The following KCNK15 variants were observed in gnomAD, a reference collection of about 807,000 sequenced individuals.
KCNK15 encodes potassium two pore domain channel subfamily K member 15, also known as potassium channel subfamily K member 15.
Under a neutral mutation model 8.5 loss-of-function variants are expected in KCNK15, and 9 were observed. That is an observed-to-expected ratio of 1.06 (90% CI 0.64 to 1.85). The LOEUF is 1.85. KCNK15 is among the 40% of genes most tolerant of loss of function. The pLI is 0.00. For missense variants in KCNK15, 467 were observed against 476.8 expected (o/e 0.98, Z 0.19); for synonymous variants, 224 against 232.7 (o/e 0.96, Z 0.34).
intron 1 of KCNK15, 56 bp downstream of exon 1, chr20:44,746,249 G>T: frequency 2.2e-6 from 3 of 1,334,422 alleles, no homozygotes; most frequent in Non-Finnish European, 2.9e-6. Context: ...GTCCCGGGGC[G>T]CCTCTGGGTT....
At chr20:44,748,153 C>G (rs965227700) in intron 1 of KCNK15, among the ~76,000 whole-genome samples, 11 of 152,298 alleles carry the variant, frequency 7.2e-5, no homozygotes, top group African/African-American at 2.6e-4. Context: ...TCCCAAACAG[C>G]TGGAAGCCTT....
Position 44,750,748 on chromosome 20 carries a change from C to A in KCNK15, c.903C>A (p.Arg301=), listed in dbSNP as rs374466555. 6.6e-7 allele frequency: 1 copy of A among 1,519,598 alleles called. No individual in the cohort carries two copies. Among genetic ancestry groups the A allele is most frequent in the South Asian group, 1.2e-5 (1 of 82,322 alleles). The allele number at this position is 1,519,598 out of a possible 1,614,324, so 94.1% of individuals were successfully genotyped here. ...TGCACAAGCTGGAGAGGTGCGCCCGCGACAACCTGGGCTTTTCGCCCCCCT... is the reference window on the plus strand; with the variant it reads ...TGCACAAGCTGGAGAGGTGCGCCCGAGACAACCTGGGCTTTTCGCCCCCCT... ...CHVHKLERCA[R]DNLGFSPPSS... The change falls in exon 2 of 2, where the codon CGC becomes CGA. Residue 301 remains arginine, a synonymous_variant. Coordinates refer to ENST00000372861, the MANE Select transcript of KCNK15 (RefSeq NM_022358.4).
At chr20:44,749,116 C>A (rs2066018599) in intron 1 of KCNK15, among the ~76,000 whole-genome samples, 1 of 152,196 alleles carries the variant, frequency 6.6e-6, no homozygotes, top group Admixed American at 6.5e-5. Flanking sequence ...GAAGGGCTAA[C>A]TTCCTAACTG....
chr20:44,751,719 G>A lies in KCNK15; in HGVS notation c.*881G>A, dbSNP rs2066033236. The A allele has an allele frequency of 6.6e-6, 1 of 152,216 alleles. No homozygotes were observed. Among genetic ancestry groups the A allele is most frequent in the Non-Finnish European group, 1.5e-5 (1 of 68,048 alleles). 9.4% of individuals were successfully genotyped at this position (152,216 alleles called of 1,614,324 possible). ...TAAGGGGGCAGAGACAAAGCCCGAGGTGTGGCATCCTGGCACCCCGTGGCA... is the reference window on the plus strand; with the variant it reads ...TAAGGGGGCAGAGACAAAGCCCGAGATGTGGCATCCTGGCACCCCGTGGCA... On this transcript the variant is annotated 3_prime_UTR_variant, in exon 2 of 2. Transcript: ENST00000372861.
At chr20:44,750,037 G>A (rs1262531692) in intron 1 of KCNK15, 92 bp from the exon 2 acceptor site, 3 of 1,211,260 alleles carry the variant, frequency 2.5e-6, no homozygotes, top group Non-Finnish European at 2.3e-6. Flanking sequence ...CCGGGGACGG[G>A]GAGGGACACG....
intron 1 of KCNK15, among the ~76,000 whole-genome samples, chr20:44,749,163 T>G (rs1183107188): frequency 1.3e-5 from 2 of 152,224 alleles, no homozygotes; most frequent in African/African-American, 4.8e-5. Flanking sequence ...TATTTTTTAC[T>G]TTTTGGCAGG....
rs1394458540 is a variant in KCNK15 at position 44,750,814 on chromosome 20, TG to T, written c.973del (p.Ala325ProfsTer40). On this transcript the variant is annotated frameshift_variant, in exon 2 of 2. Coordinates refer to ENST00000372861, the MANE Select transcript of KCNK15 (RefSeq NM_022358.4). LOFTEE classifies it high-confidence loss of function. ...VVRGGQAPRL[G>X]ARWKSI ...TGCGTGGCGGGCAGGCTCCCAGGCT[TG>T]GGGCCCGGTGGAAGTCCATCTGACA... The T allele has an allele frequency of 6.8e-7, 1 of 1,469,676 alleles. No individual in the cohort carries two copies. The highest frequency in any genetic ancestry group is 1.4e-5 in the African/African-American group (1 of 69,228). 91.0% of individuals were successfully genotyped at this position (1,469,676 alleles called of 1,614,324 possible). A position where few individuals can be genotyped will look rare whatever the true frequency, so the allele number is the denominator to read the frequency against.
Position 44,750,633 on chromosome 20 carries a change from C to T in KCNK15, c.788C>T (p.Pro263Leu), listed in dbSNP as rs1435766459. The T allele has an allele frequency of 4.4e-6, 7 of 1,576,842 alleles. No homozygotes were observed. The African/African-American group carries it at 6.8e-5, about 15-fold the overall frequency. ...GAGCGCGCTGCCCGCACCCCCAGCCCGCGCCCCCCGGGGGCGCCCGAGAGC... is the reference window on the plus strand; with the variant it reads ...GAGCGCGCTGCCCGCACCCCCAGCCTGCGCCCCCCGGGGGCGCCCGAGAGC... ...WPERAARTPS[P>L]RPPGAPESRG... The change falls in exon 2 of 2, where the codon CCG becomes CTG. Residue 263 changes from proline to leucine, a missense_variant. By Grantham distance (98) the Pro-to-Leu change is moderately conservative. This residue lies in a region of KCNK15 where 455 missense variants were observed against 441.2 expected (regional missense o/e 1.03). Transcript: ENST00000372861.
Position 44,750,281 on chromosome 20 carries a change from T to C in KCNK15, c.436T>C (p.Cys146Arg), listed in dbSNP as rs1477332162. ...GCGCCTCCTGTTGGCGGCCAAGTGC[T>C]GCCTGGGCCTGCGGTGGACGTGCGT... The part of the protein sequence containing the change: ...VRRLLLAAKC[C>R]LGLRWTCVST... The change falls in exon 2 of 2, where the codon TGC (cysteine) becomes CGC (arginine). Residue 146 changes from cysteine to arginine, a missense_variant. Cys to Arg is a radical substitution (Grantham distance 180). Transcript: ENST00000372861. 2.5e-6 allele frequency: 4 copies of C among 1,605,444 alleles called. No homozygotes were observed. Among genetic ancestry groups the C allele is most frequent in the Non-Finnish European group, 3.4e-6 (4 of 1,176,832 alleles).
rs1439343680 is a variant in KCNK15, at chr20:44,748,934, C to T, written c.284-1195C>T. 2.6e-5 allele frequency among the ~76,000 whole-genome samples: 4 copies of T among 152,202 alleles called. No homozygotes were observed. In the East Asian group the frequency reaches 7.7e-4, roughly 29 times the overall value. On this transcript the variant is annotated intron_variant, in intron 1 of 1. Transcript: ENST00000372861. ...AAGTGTCCCCTCAAAGGCAAAACCA[C>T]CCTCGATTGAGAACTGCTACTCTGT...
In KCNK15 at chr20:44,750,299, A is replaced by G; in HGVS notation, c.454A>G (p.Thr152Ala). The part of the protein sequence containing the change: ...AAKCCLGLRW[T>A]CVSTENLVVA... ...CAAGTGCTGCCTGGGCCTGCGGTGG[A>G]CGTGCGTGTCCACGGAGAACCTGGT... Residue 152 changes from threonine to alanine, a missense_variant, in exon 2 of 2, where the codon ACG becomes GCG. Thr to Ala is a moderately conservative substitution (Grantham distance 58). This residue lies in a region of KCNK15 where 455 missense variants were observed against 441.2 expected (regional missense o/e 1.03). Coordinates refer to ENST00000372861, the MANE Select transcript of KCNK15 (RefSeq NM_022358.4). 8 of 1,606,856 alleles carry G rather than the reference A, an allele frequency of 5.0e-6. No individual in the cohort carries two copies. Among genetic ancestry groups the G allele is most frequent in the Non-Finnish European group, 6.8e-6 (8 of 1,177,488 alleles).
chr20:44,748,445 A>C (rs1321891533), intron 1 of KCNK15, among the ~76,000 whole-genome samples: 1 of 152,176 alleles, frequency 6.6e-6, no homozygotes, highest in Non-Finnish European at 1.5e-5. Flanking sequence ...TGATATTCTG[A>C]ATAAGTTATA....
Position 44,750,826 on chromosome 20 carries a change from G to A in KCNK15, c.981G>A (p.Trp327Ter), listed in dbSNP as rs1040303400. Residue 327 changes from tryptophan (W) to a stop codon, truncating the protein, a stop_gained, in exon 2 of 2, where the codon TGG (tryptophan) becomes TGA (stop). Transcript: ENST00000372861. LOFTEE classifies it high-confidence loss of function. ...GGQAPRLGAR[W>*]KSI Reference sequence around the variant, plus strand: ...AGGCTCCCAGGCTTGGGGCCCGGTGGAAGTCCATCTGACAACCCCACCCAG... The same window carrying A: ...AGGCTCCCAGGCTTGGGGCCCGGTGAAAGTCCATCTGACAACCCCACCCAG... 2 of 1,461,886 alleles carry A rather than the reference G, an allele frequency of 1.4e-6. No homozygotes were observed. The highest frequency in any genetic ancestry group is 1.8e-6 in the Non-Finnish European group (2 of 1,110,068). 90.6% of individuals were successfully genotyped at this position (1,461,886 alleles called of 1,614,324 possible).
rs545264831 is a variant in KCNK15 at position 44,750,152 on chromosome 20, A to G, written c.307A>G (p.Thr103Ala). ...TIEYGHAAPG[T>A]DSGKVFCMFY... ...AGAGTACGGCCACGCCGCGCCGGGT[A>G]CGGACTCCGGCAAGGTCTTCTGCAT... Residue 103 changes from threonine (T) to alanine (A), a missense_variant, in exon 2 of 2, where the codon ACG becomes GCG. By Grantham distance (58) the Thr-to-Ala change is moderately conservative (BLOSUM62 0). This residue lies in a region of KCNK15 where 455 missense variants were observed against 441.2 expected (regional missense o/e 1.03). Coordinates refer to ENST00000372861, the MANE Select transcript of KCNK15 (RefSeq NM_022358.4). 4 of 1,611,098 alleles carry G rather than the reference A, an allele frequency of 2.5e-6. No homozygotes were observed. The highest frequency in any genetic ancestry group is 3.3e-5 in the Admixed American group (2 of 59,966).
intron 1 of KCNK15, among the ~76,000 whole-genome samples, chr20:44,747,832 C>A (rs1328407658): frequency 6.6e-6 from 1 of 151,690 alleles, no homozygotes; most frequent in Admixed American, 6.6e-5. Flanking sequence ...ATAGCTCAGG[C>A]CTGTGGAGGG....
Position 44,750,548 on chromosome 20 carries a change from A to T in KCNK15, c.703A>T (p.Ile235Phe). 6.2e-7 allele frequency: 1 copy of T among 1,609,210 alleles called. No individual in the cohort carries two copies. Among genetic ancestry groups the T allele is most frequent in the Non-Finnish European group, 8.5e-7 (1 of 1,177,550 alleles). ...FLYILLGLTV[I>F]GAFLNLVVLR... ...CTACATCCTCCTGGGGCTCACGGTCATTGGCGCCTTCCTCAACCTGGTGGT... is the reference window on the plus strand; with the variant it reads ...CTACATCCTCCTGGGGCTCACGGTCTTTGGCGCCTTCCTCAACCTGGTGGT... The change falls in exon 2 of 2, where the codon ATT (isoleucine) becomes TTT (phenylalanine). Residue 235 changes from isoleucine to phenylalanine, a missense_variant. Around this residue, in one of 2 missense-constraint regions of KCNK15, gnomAD observed 455 missense variants for 441.2 expected, o/e 1.03. Coordinates refer to ENST00000372861, the MANE Select transcript of KCNK15 (RefSeq NM_022358.4).
At chr20:44,748,698 T>A (rs1018367321) in intron 1 of KCNK15, among the ~76,000 whole-genome samples, 2 of 152,240 alleles carry the variant, frequency 1.3e-5, no homozygotes, top group Admixed American at 6.5e-5. Flanking sequence ...TATGTTGATG[T>A]TTTTATGTCA....
intron 1 of KCNK15, among the ~76,000 whole-genome samples, chr20:44,747,741 G>A (rs2066013412): frequency 6.6e-6 from 1 of 152,264 alleles, no homozygotes; most frequent in African/African-American, 2.4e-5. Context: ...CAGCCTTGCA[G>A]AGAGCCAGGT....
rs1260847927 is a variant in KCNK15 at position 44,750,266 on chromosome 20, T to C, written c.421T>C (p.Leu141=). ...RLNAVVRRLL[L]AAKCCLGLRW... The stretch of plus-strand genomic sequence containing the variant: ...GAACGCGGTGGTGCGGCGCCTCCTG[T>C]TGGCGGCCAAGTGCTGCCTGGGCCT... Residue 141 remains leucine, a synonymous_variant, in exon 2 of 2, where the codon TTG becomes CTG. Coordinates refer to ENST00000372861, the MANE Select transcript of KCNK15 (RefSeq NM_022358.4). 5.6e-6 allele frequency: 9 copies of C among 1,607,060 alleles called. No individual in the cohort carries two copies. The highest frequency in any genetic ancestry group is 7.6e-6 in the Non-Finnish European group (9 of 1,177,562).
Sources: allele counts gnomAD v4.1 joint callset (sites outside exome capture counted in the v4.1 genomes callset), GRCh38; gene constraint gnomAD v4.1.1; regional missense constraint gnomAD v4.1.1; transcripts MANE v1.5; gene names NCBI Gene and HGNC (gene_info 2026-07-23, HGNC 2026-07-21).